The following LAMA3 variants were observed in gnomAD, a reference collection of about 807,000 sequenced individuals.
LAMA3 encodes the protein laminin subunit alpha 3, also known as laminin subunit alpha-3.
LAMA3 carries 281 observed loss-of-function variants against 402.0 expected under a neutral mutation model. The observed-to-expected ratio is 0.70, with a 90% CI of 0.63 to 0.77. The LOEUF is 0.77. Among genes scored for constraint, LAMA3 ranks in the 30% least tolerant of loss-of-function variants. The pLI is 0.00. For missense variants in LAMA3, 3,840 were observed against 4,215.5 expected, an observed-to-expected ratio of 0.91 and a Z score of 2.47; for synonymous variants, 1,431 against 1,558.4, an observed-to-expected ratio of 0.92 and a Z score of 1.93.
intron 19 of LAMA3, among the ~76,000 whole-genome samples, chr18:23,820,520 T>G (rs960612431): frequency 6.6e-6 from 1 of 152,230 alleles, no homozygotes; most frequent in Admixed American, 6.5e-5. Flanking sequence ...CATTTTTCTT[T>G]TCCATATTTC....
chr18:23,920,827 G>A, intron 60 of LAMA3, 108 bp from the exon 61 acceptor site: 1 of 1,324,106 alleles, frequency 7.6e-7, no homozygotes, highest in Non-Finnish European at 1.1e-6. Context: ...CACTGAGGCA[G>A]CAGCTGAAGC....
At position 23,702,150 on chromosome 18, in the gene LAMA3, C is replaced by T. The variant is rs917424429; in HGVS notation, c.295-11770C>T. 5.3e-5 allele frequency among the ~76,000 whole-genome samples: 8 copies of T among 150,854 alleles called. No individual in the cohort carries two copies. In the South Asian group the frequency reaches 1.0e-3, roughly 20 times the overall value. On this transcript the variant is annotated intron_variant, in intron 1 of 74. Coordinates refer to ENST00000313654, the MANE Select transcript of LAMA3 (RefSeq NM_198129.4). ...AAGATGAGCAAGTTAAGCAAATTCA[C>T]GAGGTGAGGGGAAGGGGGTGGGAGT...
chr18:23,748,223 G>A (rs916649478), intron 3 of LAMA3, among the ~76,000 whole-genome samples, 163 bp downstream of exon 3: 1 of 152,200 alleles, frequency 6.6e-6, no homozygotes, highest in African/African-American at 2.4e-5. Context: ...GAGGTCAGGA[G>A]TTTGAGACCA....
intron 2 of LAMA3, among the ~76,000 whole-genome samples, chr18:23,716,874 A>G (rs986447082): frequency 4.6e-4 from 70 of 152,354 alleles, no homozygotes; most frequent in African/African-American, 1.6e-3. Context: ...CATTTATAAA[A>G]TGAGATAATT....
In LAMA3 at chr18:23,918,004, G is replaced by T. The variant is rs2081699438; in HGVS notation, c.7923+1309G>T. Reference sequence around the variant, plus strand: ...TGTCTAGAATAGGTTTTCTTCAAGGGTTTTTTTTTATAGTTTTAGGTTTTA... The same window carrying T: ...TGTCTAGAATAGGTTTTCTTCAAGGTTTTTTTTTTATAGTTTTAGGTTTTA... On this transcript the variant is annotated intron_variant, in intron 60 of 74. Coordinates refer to ENST00000313654, the MANE Select transcript of LAMA3 (RefSeq NM_198129.4). This position sits in a 1 kb window ranked among gnomAD's most constrained non-coding sequence, Gnocchi z 4.1. Among the ~76,000 whole-genome samples the T allele has an allele frequency of 6.6e-6, 1 of 150,888 alleles. No individual in the cohort carries two copies. The highest frequency in any genetic ancestry group is 2.1e-4 in the South Asian group (1 of 4,746).
At position 23,901,166 on chromosome 18, in the gene LAMA3, G is replaced by A. The variant is rs1177115974; in HGVS notation, c.6044G>A (p.Gly2015Glu). 2 of 1,614,184 alleles carry A rather than the reference G, an allele frequency of 1.2e-6. No individual in the cohort carries two copies. The highest frequency in any genetic ancestry group is 4.5e-5 in the East Asian group (2 of 44,884). ...RIRTWQKTHQ[G>E]ENNGLANSIR... ...AGGACCTGGCAGAAAACCCACCAGGGGGAGAACAATGGGCTTGCTAACAGT... is the reference window on the plus strand; with the variant it reads ...AGGACCTGGCAGAAAACCCACCAGGAGGAGAACAATGGGCTTGCTAACAGT... The change falls in exon 48 of 75, where the codon GGG becomes GAG. Residue 2015 changes from glycine to glutamate, a missense_variant. By Grantham distance (98) the Gly-to-Glu change is moderately conservative. This residue lies in a region of LAMA3 where 891 missense variants were observed against 857.5 expected (regional missense o/e 1.04). Transcript: ENST00000313654.
chr18:23,907,945 G>A lies in LAMA3; in HGVS notation c.7015+10G>A, dbSNP rs377455209. On this transcript the variant is annotated intron_variant, in intron 54 of 74. Transcript: ENST00000313654. ...GATGCAGATAACTCGGGTATCAGGCGATCTCTGGCCAGGACATCTTAGCCA... is the reference window on the plus strand; with the variant it reads ...GATGCAGATAACTCGGGTATCAGGCAATCTCTGGCCAGGACATCTTAGCCA... The A allele has an allele frequency of 4.3e-6, 7 of 1,612,740 alleles. No homozygotes were observed. In the African/African-American group the frequency reaches 6.7e-5, roughly 15 times the overall value.
chr18:23,808,308 T>G (rs192343416), intron 12 of LAMA3, among the ~76,000 whole-genome samples: 64 of 152,314 alleles, frequency 4.2e-4, no homozygotes, highest in Non-Finnish European at 6.8e-4. Flanking sequence ...TTATAATACA[T>G]AATATAATGT....
intron 2 of LAMA3, among the ~76,000 whole-genome samples, chr18:23,732,999 C>T (rs868187419): frequency 6.6e-5 from 10 of 152,120 alleles, no homozygotes; most frequent in South Asian, 6.2e-4. Flanking sequence ...CTACTGCAAT[C>T]ACCTGCCCAC....
intron 12 of LAMA3, among the ~76,000 whole-genome samples, chr18:23,806,755 A>G (rs1400992966): frequency 6.6e-6 from 1 of 152,180 alleles, no homozygotes; most frequent in Non-Finnish European, 1.5e-5. Flanking sequence ...CAGGATGAAG[A>G]TTCTTGGTTT....
Position 23,861,754 on chromosome 18 carries a change from G to A in LAMA3, c.4531G>A (p.Ala1511Thr), listed in dbSNP as rs749715880. ...GGTGGCGGATCTCCAGGAGCTGCCC[G>A]CAACCATCCACAGCGCGTCCTGGGT... is the stretch of plus-strand genomic sequence containing the variant. The part of the protein sequence containing the change: ...SMVADLQELP[A>T]TIHSASWVAP... Residue 1511 changes from alanine to threonine, a missense_variant, in exon 35 of 75, where the codon GCA (alanine) becomes ACA (threonine). This residue lies in a region of LAMA3 where 2,109 missense variants were observed against 2,376.0 expected (regional missense o/e 0.89). Coordinates refer to ENST00000313654, the MANE Select transcript of LAMA3 (RefSeq NM_198129.4). 32 of 1,613,734 alleles carry A rather than the reference G, an allele frequency of 2.0e-5. No individual in the cohort carries two copies. In the East Asian group the frequency reaches 2.5e-4, roughly 12 times the overall value.
At chr18:23,894,373 T>C in intron 43 of LAMA3, 25 bp downstream of exon 43, 1 of 1,599,558 alleles carries the variant, frequency 6.3e-7, no homozygotes, top group South Asian at 1.1e-5. Flanking sequence ...CCCCTCCTCC[T>C]CCTTTCCAAG....
At chr18:23,932,076 A>ACTCACT in intron 65 of LAMA3, 84 bp from the exon 66 acceptor site, 32 of 1,482,168 alleles carry the variant, frequency 2.2e-5, no homozygotes, top group Non-Finnish European at 3.0e-5. Flanking sequence ...ATTGAATCTG[A>ACTCACT]GTCTTAGACA....
At chr18:23,899,532 G>A in intron 47 of LAMA3, 77 bp downstream of exon 47, 1 of 1,433,672 alleles carries the variant, frequency 7.0e-7, no homozygotes, top group Non-Finnish European at 9.7e-7. Flanking sequence ...GCAATGTAGA[G>A]TTCCCCGTTA....
At chr18:23,784,339 C>G (rs1403568644) in intron 12 of LAMA3, among the ~76,000 whole-genome samples, 182 bp downstream of exon 12, 1 of 152,140 alleles carries the variant, frequency 6.6e-6, no homozygotes, top group Non-Finnish European at 1.5e-5. Flanking sequence ...TTCTTTCCAA[C>G]CTTACCCTGC....
chr18:23,784,611 G>A (rs2062504341), intron 12 of LAMA3, among the ~76,000 whole-genome samples: 1 of 152,120 alleles, frequency 6.6e-6, no homozygotes, highest in Admixed American at 6.6e-5. Flanking sequence ...ATAGAGACAT[G>A]AGACCACAAA....
chr18:23,926,982 A>G (rs1052748865), intron 62 of LAMA3, among the ~76,000 whole-genome samples: 1 of 152,102 alleles, frequency 6.6e-6, no homozygotes, highest in Non-Finnish European at 1.5e-5. Context: ...ACATATTCCC[A>G]TTGTCTAAAT....
rs45516998 is a variant in LAMA3, at chr18:23,920,939, G to T, written c.7928G>T (p.Arg2643Leu). Residue 2643 changes from arginine (R) to leucine (L), a missense_variant, in exon 61 of 75, where the codon CGC becomes CTC. Arg to Leu is a moderately radical substitution (Grantham distance 102). Coordinates refer to ENST00000313654, the MANE Select transcript of LAMA3 (RefSeq NM_198129.4). ...GLLFFAENGD[R>L]FISLNIEDGK... ...TGCATTGTTCCTCTGTCCTAGGATC[G>T]CTTCATATCTCTAAATATAGAAGAT... 1.7e-3 allele frequency: 2,735 copies of T among 1,613,794 alleles called. 8 individuals are homozygous for T. Among genetic ancestry groups the T allele is most frequent in the South Asian group, 6.5e-3 (591 of 91,066 alleles).
chr18:23,691,994 G>C (rs1367577636), intron 1 of LAMA3, among the ~76,000 whole-genome samples: 1 of 152,236 alleles, frequency 6.6e-6, no homozygotes, highest in Non-Finnish European at 1.5e-5. Context: ...TCAGTGCAAA[G>C]TGGAAATGTA....
Sources: gnomAD v4.1 joint callset for allele counts (sites outside exome capture counted in the v4.1 genomes callset) on GRCh38, gnomAD v4.1.1 for gene constraint, gnomAD v4.1.1 regional missense constraint, Gnocchi (gnomAD v3.1) non-coding constraint, MANE v1.5 for transcripts, NCBI Gene and HGNC (gene_info 2026-07-23, HGNC 2026-07-21) for gene names.